Variants in DCX observed in about 807,000 individuals in gnomAD.
DCX encodes doublecortin, also known as neuronal migration protein doublecortin.
Under a neutral mutation model 20.9 loss-of-function variants are expected in DCX, and 4 were observed. The observed-to-expected ratio is 0.19, with a 90% CI of 0.09 to 0.44. The LOEUF (loss-of-function observed/expected upper bound fraction) is 0.44. DCX is among the 20% of genes least tolerant of loss of function. The probability of loss-of-function intolerance (pLI) is 0.99; values close to 1 mark genes in which losing one functional copy is unlikely to be tolerated. For missense variants in DCX, 133 were observed against 296.9 expected, an observed-to-expected ratio of 0.45 and a Z score of 4.06; for synonymous variants, 103 against 111.4, an observed-to-expected ratio of 0.92 and a Z score of 0.47.
chrX:111,339,829 A>G (rs1922064906), intron 3 of DCX, among the ~76,000 whole-genome samples: 2 of 111,740 alleles, frequency 1.8e-5, no homozygotes, highest in Middle Eastern at 4.7e-3. Context: ...TCCTTATCTT[A>G]AAGAAAAGGC....
chrX:111,395,451 G>A (rs1222533557), intron 3 of DCX, among the ~76,000 whole-genome samples: 2 of 112,045 alleles, frequency 1.8e-5, no homozygotes, highest in Admixed American at 9.5e-5. Context: ...AACTCTAAGA[G>A]GATAAATTAC....
intron 3 of DCX, among the ~76,000 whole-genome samples, chrX:111,339,145 T>C (rs1921997548): frequency 8.9e-6 from 1 of 112,355 alleles, no homozygotes; most frequent in South Asian, 3.7e-4. Context: ...AAAGCCCCAG[T>C]GCTCAGGTCT....
chrX:111,387,919 A>G (rs753284366), intron 3 of DCX, among the ~76,000 whole-genome samples: 7 of 111,669 alleles, frequency 6.3e-5, no homozygotes, highest in African/African-American at 2.3e-4. Flanking sequence ...GGTGCAATAG[A>G]AAGTGTGCAG....
chrX:111,342,761 C>T (rs1459685844), intron 3 of DCX, among the ~76,000 whole-genome samples: 1 of 110,746 alleles, frequency 9.0e-6, no homozygotes, highest in Non-Finnish European at 1.9e-5. Flanking sequence ...GATTAAGAAA[C>T]TCACTCAAAA....
chrX:111,361,887 C>T (rs981242582), intron 3 of DCX, among the ~76,000 whole-genome samples: 1 of 111,534 alleles, frequency 9.0e-6, no homozygotes, highest in Non-Finnish European at 1.9e-5. Flanking sequence ...ATGGGATTAG[C>T]AATTGTCTCA....
chrX:111,381,424 G>C (rs1925960793), intron 3 of DCX, among the ~76,000 whole-genome samples: 1 of 110,109 alleles, frequency 9.1e-6, no homozygotes, highest in African/African-American at 3.3e-5. Flanking sequence ...AACAGAATTT[G>C]GGATGACAGA....
chrX:111,382,881 A>G (rs1284722325), intron 3 of DCX, among the ~76,000 whole-genome samples: 2 of 111,236 alleles, frequency 1.8e-5, no homozygotes, highest in South Asian at 3.8e-4. Context: ...CATTCAACAA[A>G]TGGTCTCTGA....
intron 4 of DCX, 50 bp downstream of exon 4, chrX:111,333,001 A>G: frequency 2.1e-6 from 2 of 931,973 alleles, no homozygotes; most frequent in Non-Finnish European, 1.6e-6. Flanking sequence ...ATCCTAAAGG[A>G]TAGAAGGGGA....
intron 3 of DCX, among the ~76,000 whole-genome samples, chrX:111,365,185 G>C (rs1219258435): frequency 9.1e-6 from 1 of 109,793 alleles, no homozygotes; most frequent in Non-Finnish European, 1.9e-5. Context: ...CTCCCAAAGT[G>C]CTGGGATTAC....
At chrX:111,349,397 G>A (rs1923128141) in intron 3 of DCX, among the ~76,000 whole-genome samples, 1 of 111,686 alleles carries the variant, frequency 9.0e-6, no homozygotes. Flanking sequence ...TGAGTCCAAG[G>A]GAAGCAAAGG....
At chrX:111,381,384 C>A (rs1925957176) in intron 3 of DCX, among the ~76,000 whole-genome samples, 1 of 109,500 alleles carries the variant, frequency 9.1e-6, no homozygotes. Context: ...ACAGGGAACC[C>A]CAAAGGAATA....
chrX:111,397,423 C>CA (rs1452473588), intron 3 of DCX, among the ~76,000 whole-genome samples: 5 of 111,571 alleles, frequency 4.5e-5, no homozygotes, highest in African/African-American at 1.6e-4. Context: ...TCAGCCTCCA[C>CA]AAAAAAGATT....
chrX:111,304,712 C>T (rs1282337251), intron 6 of DCX, among the ~76,000 whole-genome samples: 1 of 111,925 alleles, frequency 8.9e-6, no homozygotes, highest in Non-Finnish European at 1.9e-5. Context: ...TTAAAAATCA[C>T]AGCCGTATGA....
chrX:111,378,693 G>A (rs1382331043), intron 3 of DCX, among the ~76,000 whole-genome samples: 1 of 110,849 alleles, frequency 9.0e-6, no homozygotes, highest in Non-Finnish European at 1.9e-5. Context: ...TGTCTAGTAA[G>A]CATCCATTTT....
chrX:111,343,234 G>T (rs1415016695), intron 3 of DCX, among the ~76,000 whole-genome samples: 1 of 107,894 alleles, frequency 9.3e-6, no homozygotes, highest in Non-Finnish European at 1.9e-5. Flanking sequence ...AAATGATAAA[G>T]GGGATATCAC....
At chrX:111,372,194 G>T (rs185324454) in intron 3 of DCX, among the ~76,000 whole-genome samples, 2 of 111,879 alleles carry the variant, frequency 1.8e-5, no homozygotes, top group Non-Finnish European at 3.8e-5. Context: ...AACACACAAA[G>T]CTCTCAGTGA....
intron 5 of DCX, among the ~76,000 whole-genome samples, chrX:111,316,079 T>TAA (rs1430738484): frequency 1.1e-3 from 27 of 23,977 alleles, no homozygotes; most frequent in Non-Finnish European, 2.0e-3. Flanking sequence ...TAGAGTATAA[T>TAA]AAAAAATAAA....
At chrX:111,382,124 C>T (rs942078369) in intron 3 of DCX, among the ~76,000 whole-genome samples, 2 of 111,822 alleles carry the variant, frequency 1.8e-5, no homozygotes, top group Non-Finnish European at 3.8e-5. Context: ...CTAACAAGTT[C>T]CCAGATGACG....
chrX:111,404,884 C>T (rs1928091996), intron 2 of DCX, among the ~76,000 whole-genome samples: 1 of 112,451 alleles, frequency 8.9e-6, no homozygotes. Flanking sequence ...CTTCCTGCTG[C>T]CTGGCACTTG....
Sources: gnomAD v4.1 joint callset for allele counts (sites outside exome capture counted in the v4.1 genomes callset) on GRCh38, gnomAD v4.1.1 for gene constraint, MANE v1.5 for transcripts, NCBI Gene and HGNC (gene_info 2026-07-23, HGNC 2026-07-21) for gene names.